Variants in THSD4 observed in about 807,000 individuals in gnomAD.
THSD4 encodes thrombospondin type-1 domain-containing protein 4.
In THSD4, 69 loss-of-function variants were observed where a neutral mutation model predicts 119.0. That is an observed-to-expected ratio of 0.58 (90% CI 0.48 to 0.71). The LOEUF (loss-of-function observed/expected upper bound fraction) is 0.71. THSD4 is among the 30% of genes least tolerant of loss of function. The pLI is 0.00. For synonymous variants in THSD4, 524 were observed against 540.4 expected (o/e 0.97, Z 0.42); for missense variants, 1,393 against 1,391.1 (o/e 1.00, Z -0.02).
rs371099693 is a variant in THSD4, at chr15:71,613,161, C to T, written c.1153-47369C>T. Among the ~76,000 whole-genome samples the T allele has an allele frequency of 2.0e-3, 299 of 152,286 alleles. 17 individuals carry two copies. In the South Asian group the frequency reaches 0.054, roughly 28 times the overall value. On this transcript the variant is annotated intron_variant, in intron 7 of 17. Transcript: ENST00000261862. The stretch of plus-strand genomic sequence containing the variant: ...AAGCAGCCTCTCCCAAAGCATGTTT[C>T]AGAACCTCAAACCCTGTGAGTCTTG...
At chr15:71,476,953 C>T (rs1382559176) in intron 7 of THSD4, among the ~76,000 whole-genome samples, 2 of 152,190 alleles carry the variant, frequency 1.3e-5, no homozygotes, top group African/African-American at 2.4e-5. Context: ...TGAGTGAACG[C>T]GCACTGGCAT....
intron 5 of THSD4, among the ~76,000 whole-genome samples, chr15:71,253,917 G>C (rs558939024): frequency 6.6e-6 from 1 of 152,098 alleles, no homozygotes; most frequent in South Asian, 2.1e-4. Flanking sequence ...TTTCCAAGTC[G>C]TGAAACAGAC....
At chr15:71,194,359 C>T (rs182450893) in intron 3 of THSD4, among the ~76,000 whole-genome samples, 28 of 152,290 alleles carry the variant, frequency 1.8e-4, no homozygotes, top group Admixed American at 1.0e-3. Context: ...CCTCCTCCAG[C>T]TTTGCCCCAG....
intron 7 of THSD4, among the ~76,000 whole-genome samples, chr15:71,524,299 T>C (rs1303256748): frequency 1.3e-5 from 2 of 152,208 alleles, no homozygotes; most frequent in Non-Finnish European, 2.9e-5. Flanking sequence ...GTTTGCACAG[T>C]GACGCTCTGA....
At chr15:71,724,143 G>A (rs547705904) in intron 8 of THSD4, among the ~76,000 whole-genome samples, 18 of 149,648 alleles carry the variant, frequency 1.2e-4, no homozygotes, top group Non-Finnish European at 2.2e-4. Flanking sequence ...GGACAGCACC[G>A]TGGAGGGAAG....
chr15:71,352,615 A>G (rs772692830), intron 6 of THSD4, among the ~76,000 whole-genome samples: 3 of 152,210 alleles, frequency 2.0e-5, no homozygotes, highest in Non-Finnish European at 4.4e-5. Flanking sequence ...TCAAATTTTA[A>G]TTTTATTGAG....
chr15:71,222,023 A>G (rs2043979292), intron 4 of THSD4, among the ~76,000 whole-genome samples: 1 of 151,884 alleles, frequency 6.6e-6, no homozygotes, highest in African/African-American at 2.4e-5. Flanking sequence ...TTATGTGCTT[A>G]ATGGCTGTTT....
chr15:71,102,829 G>A (rs2040258637), intron 1 of THSD4, among the ~76,000 whole-genome samples: 1 of 152,180 alleles, frequency 6.6e-6, no homozygotes, highest in Non-Finnish European at 1.5e-5. Flanking sequence ...GCCTCCCAAA[G>A]TGCTGGGATT....
chr15:71,189,563 G>A (rs1022340982), intron 3 of THSD4, among the ~76,000 whole-genome samples: 141 of 152,166 alleles, frequency 9.3e-4, no homozygotes, highest in Admixed American at 1.4e-3. Context: ...CCAGCTACTC[G>A]GGAGGCTGAG....
intron 9 of THSD4, chr15:71,729,810 G>A (rs558072297): frequency 1.3e-5 from 2 of 152,208 alleles, no homozygotes; most frequent in South Asian, 2.1e-4. Flanking sequence ...AGAGAGGGAG[G>A]GAGGATTTCC....
intron 7 of THSD4, among the ~76,000 whole-genome samples, chr15:71,495,948 T>G (rs759447546): frequency 3.9e-5 from 6 of 152,206 alleles, no homozygotes; most frequent in Non-Finnish European, 8.8e-5. Flanking sequence ...GGCCTTCCCC[T>G]GCTTACATTC....
At chr15:71,773,252 A>G (rs2140250222) in intron 17 of THSD4, among the ~76,000 whole-genome samples, 1 of 151,968 alleles carries the variant, frequency 6.6e-6, no homozygotes, top group Middle Eastern at 3.4e-3. Flanking sequence ...AGTTATACAC[A>G]TAAAGCTGCC....
At chr15:71,372,912 C>T (rs562855854) in intron 6 of THSD4, among the ~76,000 whole-genome samples, 79 of 152,362 alleles carry the variant, frequency 5.2e-4, no homozygotes, top group African/African-American at 1.6e-3. Flanking sequence ...CCTTGAGCTG[C>T]GGTGGGCTCC....
chr15:71,591,950 T>A (rs2049815794), intron 7 of THSD4, among the ~76,000 whole-genome samples: 1 of 152,198 alleles, frequency 6.6e-6, no homozygotes, highest in East Asian at 1.9e-4. Flanking sequence ...CGTGTTTTCA[T>A]GAACATTATT....
chr15:71,267,066 C>T (rs1003380208), intron 6 of THSD4, among the ~76,000 whole-genome samples: 8 of 152,100 alleles, frequency 5.3e-5, no homozygotes, highest in Non-Finnish European at 8.8e-5. Context: ...GGAACTTCCC[C>T]AACCTAGCAA....
At position 71,409,022 on chromosome 15, in the gene THSD4, C is replaced by T. The variant is rs371724542; in HGVS notation, c.1016-2665C>T. Among the ~76,000 whole-genome samples the T allele has an allele frequency of 4.6e-5, 7 of 152,204 alleles. No homozygotes were observed. The South Asian group carries it at 6.2e-4, about 14-fold the overall frequency. On this transcript the variant is annotated intron_variant, in intron 6 of 17. Transcript: ENST00000261862. ...GTTTATTTATCTCCTAGCTGCAGAT[C>T]GGAGAAGGTGGACCCAGTGTCCCCA...
chr15:71,118,136 A>G (rs1232040584), intron 1 of THSD4, among the ~76,000 whole-genome samples: 3 of 152,052 alleles, frequency 2.0e-5, no homozygotes, highest in African/African-American at 7.2e-5. Flanking sequence ...AGCAGAGGAA[A>G]GAGCTCGAGG....
chr15:71,112,278 A>G, upstream of THSD4: 2 of 1,530,434 alleles, frequency 1.3e-6, no homozygotes, highest in Non-Finnish European at 1.8e-6. Flanking sequence ...TGTCGTATGC[A>G]TCATTTATCA....
At chr15:71,216,084 A>G (rs2043929941) in intron 4 of THSD4, among the ~76,000 whole-genome samples, 1 of 152,258 alleles carries the variant, frequency 6.6e-6, no homozygotes, top group Non-Finnish European at 1.5e-5. Flanking sequence ...CTTGTCAGTG[A>G]GTGAAGCAAT....
Sources: gnomAD v4.1 joint callset for allele counts (sites outside exome capture counted in the v4.1 genomes callset) on GRCh38, gnomAD v4.1.1 for gene constraint, MANE v1.5 for transcripts, NCBI Gene and HGNC (gene_info 2026-07-23, HGNC 2026-07-21) for gene names.